DLGAP2: variants seen among roughly 807,000 people sequenced by gnomAD.
DLGAP2 encodes the protein disks large-associated protein 2.
Under a neutral mutation model 100.3 loss-of-function variants are expected in DLGAP2, and 26 were observed. The ratio of observed to expected loss-of-function variants is 0.26; its 90% CI spans 0.19 to 0.36. DLGAP2 has a LOEUF of 0.36. Ranked by LOEUF, DLGAP2 falls within the 10% of genes least tolerant of loss-of-function variation. The probability of loss-of-function intolerance (pLI) is 1.00; values close to 1 mark genes in which losing one functional copy is unlikely to be tolerated. For synonymous variants in DLGAP2, 886 were observed against 630.1 expected (o/e 1.41, Z -6.08); for missense variants, 1,858 against 1,453.2 (o/e 1.28, Z -4.53).
At chr8:1,064,803 G>C (rs73540074) in intron 2 of DLGAP2, among the ~76,000 whole-genome samples, 4,335 of 152,298 alleles carry the variant, frequency 0.028, 180 homozygotes, top group African/African-American at 0.1. Context: ...AGGGACAAAT[G>C]CTTATTAGGA....
intron 1 of DLGAP2, among the ~76,000 whole-genome samples, chr8:874,804 GTGTGGTAT>G (rs1797659700): frequency 6.6e-6 from 1 of 152,132 alleles, no homozygotes; most frequent in African/African-American, 2.4e-5. Flanking sequence ...ATCATTAAGA[GTGTGGTAT>G]TAAAGTCTTC....
chr8:1,584,859 A>T (rs1288366986), intron 6 of DLGAP2, among the ~76,000 whole-genome samples: 1 of 152,020 alleles, frequency 6.6e-6, no homozygotes, highest in African/African-American at 2.4e-5. Context: ...CATGGATTTC[A>T]TTGTTTCTCT....
chr8:1,131,331 A>G (rs1253793817), intron 2 of DLGAP2, among the ~76,000 whole-genome samples: 3 of 152,106 alleles, frequency 2.0e-5, no homozygotes, highest in Non-Finnish European at 2.9e-5. Flanking sequence ...ACCTTCATGT[A>G]TCTGTTCTGG....
At chr8:1,614,514 A>G in intron 6 of DLGAP2, among the ~76,000 whole-genome samples, 1 of 152,206 alleles carries the variant, frequency 6.6e-6, no homozygotes, top group Middle Eastern at 3.2e-3. Flanking sequence ...TGTTGCCAGC[A>G]TCACCTCCAG....
intron 14 of DLGAP2, among the ~76,000 whole-genome samples, chr8:1,700,280 G>A (rs1180773270): frequency 2.6e-5 from 4 of 152,210 alleles, no homozygotes; most frequent in Non-Finnish European, 5.9e-5. Flanking sequence ...CTAGATATCT[G>A]CTTAGGAAAG....
intron 3 of DLGAP2, among the ~76,000 whole-genome samples, chr8:1,299,273 G>A (rs1360714612): frequency 1.3e-5 from 2 of 152,202 alleles, no homozygotes; most frequent in African/African-American, 2.4e-5. Flanking sequence ...CCCCACCCGA[G>A]GCCACCCAGG....
chr8:750,737 C>T (rs1031784860), intron 1 of DLGAP2, among the ~76,000 whole-genome samples: 12 of 152,240 alleles, frequency 7.9e-5, no homozygotes, highest in Non-Finnish European at 1.2e-4. Context: ...CACGGCTCGC[C>T]GTCTGCAGTG....
intron 3 of DLGAP2, among the ~76,000 whole-genome samples, chr8:1,499,849 G>A (rs1346144071): frequency 1.3e-5 from 2 of 152,108 alleles, no homozygotes; most frequent in African/African-American, 2.4e-5. Flanking sequence ...AAACCTCTAC[G>A]AACTTATTGA....
intron 2 of DLGAP2, among the ~76,000 whole-genome samples, chr8:1,164,897 C>T (rs1056000532): frequency 1.3e-5 from 2 of 152,056 alleles, no homozygotes; most frequent in Non-Finnish European, 2.9e-5. Flanking sequence ...GACCTCGTCT[C>T]CTGTAAAAAC....
intron 2 of DLGAP2, among the ~76,000 whole-genome samples, chr8:1,128,713 T>C (rs1180707440): frequency 6.6e-6 from 1 of 152,244 alleles, no homozygotes; most frequent in Non-Finnish European, 1.5e-5. Flanking sequence ...TTTATATACT[T>C]ACGAGCGTGT....
intron 2 of DLGAP2, among the ~76,000 whole-genome samples, chr8:1,176,175 C>G (rs1458246169): frequency 6.6e-6 from 1 of 151,780 alleles, no homozygotes; most frequent in African/African-American, 2.4e-5. Flanking sequence ...GAAGGGGAAG[C>G]AAGGCACGTG....
At chr8:1,457,165 G>A (rs1798338751) in intron 3 of DLGAP2, among the ~76,000 whole-genome samples, 1 of 152,152 alleles carries the variant, frequency 6.6e-6, no homozygotes, top group South Asian at 2.1e-4. Context: ...GAAATATGTT[G>A]GAGTAGGCCT....
chr8:1,241,233 CTAGT>C (rs1798788648), intron 2 of DLGAP2, among the ~76,000 whole-genome samples: 1 of 146,946 alleles, frequency 6.8e-6, no homozygotes, highest in African/African-American at 2.6e-5. Context: ...GGCGCCGTGT[CTAGT>C]TCTGTCACAT....
chr8:1,683,844 A>ATATATATG (rs1799025327), intron 12 of DLGAP2, among the ~76,000 whole-genome samples: 3 of 68,026 alleles, frequency 4.4e-5, no homozygotes, highest in African/African-American at 3.0e-4. Flanking sequence ...CTATATATAT[A>ATATATATG]TATATATATA....
chr8:1,415,652 T>C (rs1796863292), intron 3 of DLGAP2, among the ~76,000 whole-genome samples: 1 of 152,226 alleles, frequency 6.6e-6, no homozygotes, highest in South Asian at 2.1e-4. Flanking sequence ...CCATTCTCTC[T>C]TACGGCTGCA....
At position 1,479,050 on chromosome 8, in the gene DLGAP2, C is replaced by G. The variant is rs1290506334; in HGVS notation, c.107-22316C>G. Among the ~76,000 whole-genome samples, 5 of 152,244 alleles carry G rather than the reference C, an allele frequency of 3.3e-5. No homozygotes were observed. In the East Asian group the frequency reaches 9.6e-4, roughly 29 times the overall value. On this transcript the variant is annotated intron_variant, in intron 3 of 14. Coordinates refer to ENST00000637795, the MANE Select transcript of DLGAP2 (RefSeq NM_001346810.2). The stretch of plus-strand genomic sequence containing the variant: ...AAACAATCGAAAGGAGCACCTGCTT[C>G]CAGTTGCATAGCACCAGCTGAGAGC...
intron 3 of DLGAP2, among the ~76,000 whole-genome samples, chr8:1,353,591 A>C (rs7018080): frequency 0.55 from 82,919 of 152,070 alleles, 23,918 homozygotes; most frequent in East Asian, 0.81. Flanking sequence ...TTTCCATTTA[A>C]GATGGTTTGT....
chr8:1,299,734 C>A (rs1019885652), intron 3 of DLGAP2, among the ~76,000 whole-genome samples: 8 of 152,026 alleles, frequency 5.3e-5, no homozygotes, highest in Non-Finnish European at 7.4e-5. Flanking sequence ...CAAATGATAT[C>A]GTAATTATTA....
chr8:1,065,193 G>A (rs1803208355), intron 2 of DLGAP2, among the ~76,000 whole-genome samples: 1 of 152,194 alleles, frequency 6.6e-6, no homozygotes. Context: ...GTTCGCTGAA[G>A]CTGTGTCTAA....
Sources: allele counts gnomAD v4.1 joint callset (sites outside exome capture counted in the v4.1 genomes callset), GRCh38; gene constraint gnomAD v4.1.1; transcripts MANE v1.5; gene names NCBI Gene and HGNC (gene_info 2026-07-23, HGNC 2026-07-21).